The following TRAT1 variants were observed in gnomAD, a reference collection of about 807,000 sequenced individuals.
TRAT1 encodes T cell receptor associated transmembrane adaptor 1, also known as T-cell receptor-associated transmembrane adapter 1.
Under a neutral mutation model 20.0 loss-of-function variants are expected in TRAT1, and 20 were observed. The ratio of observed to expected loss-of-function variants is 1.00; its 90% confidence interval spans 0.70 to 1.45. The LOEUF is 1.45. Ranked by LOEUF, TRAT1 falls within the 40% of genes most tolerant of loss-of-function variation. The pLI, the probability that TRAT1 is intolerant of heterozygous loss-of-function variation, is 0.00. For missense variants in TRAT1, 237 were observed against 224.1 expected (o/e 1.06, Z -0.37); for synonymous variants, 77 against 74.2 (o/e 1.04, Z -0.20).
At chr3:108,826,300 C>T (rs1297815610) in intron 1 of TRAT1, among the ~76,000 whole-genome samples, 1 of 152,060 alleles carries the variant, frequency 6.6e-6, no homozygotes, top group Admixed American at 6.6e-5. Context: ...GCTAATATTA[C>T]TATTTTCTCT....
Position 108,847,141 on chromosome 3 carries a change from ATAAGT to A in TRAT1, c.214+16_214+20del, listed in dbSNP as rs1233329390. 4 of 1,477,624 alleles carry A rather than the reference ATAAGT, an allele frequency of 2.7e-6. No individual in the cohort carries two copies. The African/African-American group carries it at 5.6e-5, about 21-fold the overall frequency. 91.5% of individuals were successfully genotyped at this position (1,477,624 alleles called of 1,614,324 possible). On this transcript the variant is annotated intron_variant, in intron 4 of 5. Transcript: ENST00000295756. ...TGATATGATTTCAGGTAAGTTTTCC[ATAAGT>A]TAAATTTATAAATAAGTAAATCCCA...
chr3:108,851,238 T>G (rs2107516672), intron 5 of TRAT1, among the ~76,000 whole-genome samples: 1 of 152,346 alleles, frequency 6.6e-6, no homozygotes, highest in East Asian at 1.9e-4. Context: ...GGAAAAAATG[T>G]AAATAGGCTC....
intron 1 of TRAT1, among the ~76,000 whole-genome samples, 164 bp from the exon 2 acceptor site, chr3:108,830,506 C>G (rs888211222): frequency 6.6e-6 from 1 of 152,174 alleles, no homozygotes; most frequent in East Asian, 1.9e-4. Flanking sequence ...ACACCAACAC[C>G]CACTTTGAAA....
At chr3:108,845,393 T>C (rs1329474573) in intron 3 of TRAT1, among the ~76,000 whole-genome samples, 1 of 152,234 alleles carries the variant, frequency 6.6e-6, no homozygotes, top group East Asian at 1.9e-4. Context: ...GGAAAATGGA[T>C]GGATTGTCTT....
At chr3:108,836,450 G>T (rs1353782195) in intron 2 of TRAT1, among the ~76,000 whole-genome samples, 2 of 151,964 alleles carry the variant, frequency 1.3e-5, no homozygotes, top group Admixed American at 6.6e-5. Context: ...ATGCTCAGCT[G>T]GTGACTATCC....
intron 1 of TRAT1, 89 bp from the exon 2 acceptor site, chr3:108,830,581 A>G (rs999042155): frequency 1.2e-6 from 1 of 831,904 alleles, no homozygotes; most frequent in Non-Finnish European, 2.1e-6. Context: ...TTATGAATAA[A>G]TGCAACAGCT....
chr3:108,853,523 G>C lies in TRAT1; in HGVS notation c.304-97G>C. The C allele has an allele frequency of 2.1e-6, 3 of 1,459,042 alleles. No individual in the cohort carries two copies. The Admixed American group carries it at 6.6e-5, about 32-fold the overall frequency. The allele number at this position is 1,459,042 out of a possible 1,614,324, so 90.4% of individuals were successfully genotyped here. ...GGCAAAACAAGGTAGGTGAGGCCTAGAAAACAAGTTACTTGGTTTTCATAC... is the reference window on the plus strand; with the variant it reads ...GGCAAAACAAGGTAGGTGAGGCCTACAAAACAAGTTACTTGGTTTTCATAC... On this transcript the variant is annotated intron_variant, in intron 5 of 5. Coordinates refer to ENST00000295756, the MANE Select transcript of TRAT1 (RefSeq NM_016388.4).
chr3:108,839,000 C>T, intron 3 of TRAT1, 33 bp downstream of exon 3: 2 of 1,532,758 alleles, frequency 1.3e-6, no homozygotes, highest in South Asian at 1.1e-5. Context: ...ATCATGATTC[C>T]CAACTAATAA....
Position 108,822,942 on chromosome 3 carries a change from G to A in TRAT1, c.7+8G>A. 1.2e-6 allele frequency: 2 copies of A among 1,610,318 alleles called. No homozygotes were observed. The highest frequency in any genetic ancestry group is 1.7e-6 in the Non-Finnish European group (2 of 1,177,296). ...AAAAAAGAAGCATGTCAGGTAAGTGGCATTTTAAACTTTTTGTTCCATTTG... is the reference window on the plus strand; with the variant it reads ...AAAAAAGAAGCATGTCAGGTAAGTGACATTTTAAACTTTTTGTTCCATTTG... On this transcript the variant is annotated splice_region_variant and intron_variant, in intron 1 of 5. Coordinates refer to ENST00000295756, the MANE Select transcript of TRAT1 (RefSeq NM_016388.4).
rs1945974298 is a variant in TRAT1 at position 108,849,230 on chromosome 3, G to T, written c.279G>T (p.Met93Ile). Reference protein sequence around the residue: ...KARPEKSVNKMQEATPSAQAT... With the variant: ...KARPEKSVNKIQEATPSAQAT... ...GACCAGAGAAATCTGTAAATAAGATGCAGGAAGCCACCCCATCTGCACAGG... is the reference window on the plus strand; with the variant it reads ...GACCAGAGAAATCTGTAAATAAGATTCAGGAAGCCACCCCATCTGCACAGG... The change falls in exon 5 of 6, where the codon ATG becomes ATT. Residue 93 changes from methionine (M) to isoleucine (I), a missense_variant. Coordinates refer to ENST00000295756, the MANE Select transcript of TRAT1 (RefSeq NM_016388.4). 3.7e-6 allele frequency: 6 copies of T among 1,613,966 alleles called. No homozygotes were observed. The East Asian group carries it at 1.1e-4, about 30-fold the overall frequency.
At chr3:108,830,489 C>T (rs1046776824) in intron 1 of TRAT1, among the ~76,000 whole-genome samples, 181 bp from the exon 2 acceptor site, 1 of 152,198 alleles carries the variant, frequency 6.6e-6, no homozygotes, top group East Asian at 1.9e-4. Context: ...CTGAATTCAG[C>T]AACTTAACAC....
At chr3:108,852,734 T>C (rs1330478745) in intron 5 of TRAT1, among the ~76,000 whole-genome samples, 1 of 152,230 alleles carries the variant, frequency 6.6e-6, no homozygotes. Context: ...ACATTATCTC[T>C]ATGTACTAAC....
intron 2 of TRAT1, among the ~76,000 whole-genome samples, chr3:108,838,203 C>CA (rs1451132313): frequency 2.6e-5 from 4 of 152,146 alleles, no homozygotes; most frequent in Non-Finnish European, 5.9e-5. Flanking sequence ...TTCTTCCTAG[C>CA]ACACTCATTT....
intron 3 of TRAT1, among the ~76,000 whole-genome samples, chr3:108,844,714 G>A (rs1053914900): frequency 6.6e-6 from 1 of 150,814 alleles, no homozygotes; most frequent in Non-Finnish European, 1.5e-5. Context: ...TGTGGTGGCG[G>A]GCGCCTGTAG....
Position 108,853,672 on chromosome 3 carries a change from G to T in TRAT1, c.356G>T (p.Gly119Val). 2 of 1,614,050 alleles carry T rather than the reference G, an allele frequency of 1.2e-6. No homozygotes were observed. Among genetic ancestry groups the T allele is most frequent in the Non-Finnish European group, 1.7e-6 (2 of 1,179,950 alleles). The change falls in exon 6 of 6, where the codon GGG becomes GTG. Residue 119 changes from glycine (G) to valine (V), a missense_variant. By Grantham distance (109) the Gly-to-Val change is moderately radical (BLOSUM62 -3). Transcript: ENST00000295756. ...GCCTCACTTGATCACAGCGTTAAGG[G>T]GAAGCGTAGAAAGCCCAGGAAACAG... ...CYASLDHSVK[G>V]KRRKPRKQNT... is the part of the protein sequence containing the mutation.
chr3:108,850,905 T>C (rs1945992508), intron 5 of TRAT1, among the ~76,000 whole-genome samples: 1 of 152,220 alleles, frequency 6.6e-6, no homozygotes, highest in Admixed American at 6.5e-5. Flanking sequence ...TTATTTGACC[T>C]GCATCTGGCT....
intron 2 of TRAT1, among the ~76,000 whole-genome samples, chr3:108,836,459 C>T (rs1293358954): frequency 6.6e-6 from 1 of 152,060 alleles, no homozygotes; most frequent in African/African-American, 2.4e-5. Context: ...TGGTGACTAT[C>T]CTTTTGTCAA....
intron 2 of TRAT1, 53 bp from the exon 3 acceptor site, chr3:108,838,881 A>G: frequency 7.3e-7 from 1 of 1,372,208 alleles, no homozygotes; most frequent in Admixed American, 1.7e-5. Flanking sequence ...TAGAATATTT[A>G]ACAAAGGTAT....
At chr3:108,836,859 C>T (rs1945846534) in intron 2 of TRAT1, among the ~76,000 whole-genome samples, 1 of 152,134 alleles carries the variant, frequency 6.6e-6, no homozygotes, top group African/African-American at 2.4e-5. Flanking sequence ...ATTCTTAACC[C>T]TGGATTTGTT....
Sources: allele counts gnomAD v4.1 joint callset (sites outside exome capture counted in the v4.1 genomes callset), GRCh38; gene constraint gnomAD v4.1.1; transcripts MANE v1.5; gene names NCBI Gene and HGNC (gene_info 2026-07-23, HGNC 2026-07-21).